Variants in PPP2R2B observed in about 807,000 individuals in gnomAD.
PPP2R2B encodes the protein serine/threonine-protein phosphatase 2A 55 kDa regulatory subunit B beta isoform.
A neutral mutation model predicts 46.0 loss-of-function variants in PPP2R2B; 5 were observed. The observed-to-expected ratio is 0.11, with a 90% CI of 0.06 to 0.23. The LOEUF (loss-of-function observed/expected upper bound fraction) is 0.23, where lower values mean the gene tolerates loss of function less well. PPP2R2B is among the 10% of genes least tolerant of loss of function. PPP2R2B has a pLI of 1.00. For missense variants in PPP2R2B, 367 were observed against 575.0 expected, an observed-to-expected ratio of 0.64 and a Z score of 3.70; for synonymous variants, 215 against 206.7, an observed-to-expected ratio of 1.04 and a Z score of -0.34.
intron 5 of PPP2R2B, among the ~76,000 whole-genome samples, chr5:146,686,924 T>C (rs549038545): frequency 4.2e-4 from 64 of 152,084 alleles, no homozygotes; most frequent in African/African-American, 1.5e-3. Flanking sequence ...AAGAAGGGCA[T>C]GGAGGGTCTT....
In PPP2R2B at chr5:146,589,795, C is replaced by G; in HGVS notation, c.*152G>C. 2.4e-6 allele frequency: 2 copies of G among 821,174 alleles called. No individual in the cohort carries two copies. The highest frequency in any genetic ancestry group is 3.8e-6 in the Non-Finnish European group (2 of 528,732). The allele number at this position is 821,174 out of a possible 1,614,324, so 50.9% of individuals were successfully genotyped here. Reference sequence around the variant, plus strand: ...ACAAAAGTTTCTTAGAACTGGGGAGCTGGGAATGTTGGACTCCTTTTAATT... The same window carrying G: ...ACAAAAGTTTCTTAGAACTGGGGAGGTGGGAATGTTGGACTCCTTTTAATT... On this transcript the variant is annotated 3_prime_UTR_variant, in exon 10 of 10. Transcript: ENST00000394411.
At chr5:146,854,627 G>T (rs183322914) in intron 2 of PPP2R2B, among the ~76,000 whole-genome samples, 36 of 152,250 alleles carry the variant, frequency 2.4e-4, no homozygotes, top group African/African-American at 8.7e-4. Flanking sequence ...AACTAAACTT[G>T]TGAAAATGAC....
intron 2 of PPP2R2B, among the ~76,000 whole-genome samples, chr5:146,811,557 ATTT>A (rs1178978309): frequency 2.7e-4 from 26 of 95,726 alleles, no homozygotes; most frequent in African/African-American, 7.8e-4. Context: ...TCAACTATGT[ATTT>A]TTTTTTTTTT....
At chr5:146,651,640 C>T (rs1775967599) in intron 5 of PPP2R2B, among the ~76,000 whole-genome samples, 1 of 151,986 alleles carries the variant, frequency 6.6e-6, no homozygotes, top group African/African-American at 2.4e-5. Context: ...AAAAAAACAC[C>T]CAAGACAGAC....
intron 5 of PPP2R2B, among the ~76,000 whole-genome samples, chr5:146,670,615 C>T (rs1056416927): frequency 1.3e-5 from 2 of 151,880 alleles, no homozygotes; most frequent in African/African-American, 4.8e-5. Flanking sequence ...CTTGTTTTAG[C>T]CTTCTGAGTA....
chr5:146,924,019 G>T (rs1259648984), intron 1 of PPP2R2B, among the ~76,000 whole-genome samples: 1 of 152,116 alleles, frequency 6.6e-6, no homozygotes, highest in African/African-American at 2.4e-5. Context: ...GGAGCTAAAT[G>T]ATGAAAACAT....
intron 2 of PPP2R2B, among the ~76,000 whole-genome samples, chr5:146,847,287 T>C (rs1255745119): frequency 6.6e-6 from 1 of 152,214 alleles, no homozygotes; most frequent in Admixed American, 6.5e-5. Context: ...CAGCCTTTAA[T>C]TCCTGACATA....
chr5:146,958,058 A>ATT (rs375305542), intron 1 of PPP2R2B, among the ~76,000 whole-genome samples: 1 of 147,976 alleles, frequency 6.8e-6, no homozygotes, highest in Non-Finnish European at 1.5e-5. Context: ...TCAAACATCT[A>ATT]TTTTTTTTTT....
chr5:147,059,293 C>A (rs1434305596), upstream of PPP2R2B, among the ~76,000 whole-genome samples: 2 of 152,134 alleles, frequency 1.3e-5, no homozygotes, highest in East Asian at 1.9e-4. Context: ...TGTTACAGAT[C>A]CATGCTTTTG....
intron 2 of PPP2R2B, among the ~76,000 whole-genome samples, chr5:146,710,743 A>T (rs1051470771): frequency 1.3e-5 from 2 of 152,242 alleles, no homozygotes; most frequent in African/African-American, 4.8e-5. Flanking sequence ...TGGGACATCT[A>T]TGGCTGACCC....
At chr5:147,004,156 C>T (rs993671319) in intron 1 of PPP2R2B, among the ~76,000 whole-genome samples, 1 of 152,162 alleles carries the variant, frequency 6.6e-6, no homozygotes, top group Non-Finnish European at 1.5e-5. Flanking sequence ...AGGCCAATCA[C>T]CCAGTGGGGC....
chr5:146,709,523 T>A (rs1490134404), intron 2 of PPP2R2B, among the ~76,000 whole-genome samples: 1 of 152,218 alleles, frequency 6.6e-6, no homozygotes, highest in Admixed American at 6.5e-5. Flanking sequence ...GAAAGTCTAC[T>A]GGGGAAGCAG....
intron 7 of PPP2R2B, among the ~76,000 whole-genome samples, chr5:146,602,364 C>A (rs1771867034): frequency 6.6e-6 from 1 of 152,132 alleles, no homozygotes; most frequent in Non-Finnish European, 1.5e-5. Context: ...GGAGCCAAAG[C>A]CAGATAAATT....
chr5:146,877,936 A>G (rs1761995177), intron 2 of PPP2R2B, 66 bp downstream of exon 2: 1 of 1,551,214 alleles, frequency 6.4e-7, no homozygotes. Context: ...CCAGCTGCCC[A>G]GGAAGCACAG....
At chr5:146,918,547 C>T (rs528256592) in intron 1 of PPP2R2B, among the ~76,000 whole-genome samples, 2 of 152,286 alleles carry the variant, frequency 1.3e-5, no homozygotes, top group East Asian at 1.9e-4. Flanking sequence ...TTCCCATTGC[C>T]TTTAGGATAA....
intron 7 of PPP2R2B, among the ~76,000 whole-genome samples, chr5:146,618,757 A>G (rs1408638712): frequency 6.6e-6 from 1 of 152,186 alleles, no homozygotes; most frequent in Non-Finnish European, 1.5e-5. Flanking sequence ...TCCTCCCAGC[A>G]TTCCTGATGC....
At chr5:146,779,615 G>T (rs1432829957) in intron 2 of PPP2R2B, among the ~76,000 whole-genome samples, 3 of 152,132 alleles carry the variant, frequency 2.0e-5, no homozygotes, top group Non-Finnish European at 4.4e-5. Context: ...GAGGCCAACA[G>T]TCTATTACAA....
At chr5:146,951,680 G>A (rs942869143) in intron 1 of PPP2R2B, among the ~76,000 whole-genome samples, 4 of 152,014 alleles carry the variant, frequency 2.6e-5, no homozygotes, top group African/African-American at 4.8e-5. Flanking sequence ...TCCCTGCAAA[G>A]GACATGATCT....
chr5:146,746,103 T>TA (rs1753175802), intron 2 of PPP2R2B, among the ~76,000 whole-genome samples: 1 of 152,198 alleles, frequency 6.6e-6, no homozygotes, highest in African/African-American at 2.4e-5. Context: ...ATGAAAACCT[T>TA]ATAGCGCTAT....
Sources: gnomAD v4.1 joint callset for allele counts (sites outside exome capture counted in the v4.1 genomes callset) on GRCh38, gnomAD v4.1.1 for gene constraint, MANE v1.5 for transcripts, NCBI Gene and HGNC (gene_info 2026-07-23, HGNC 2026-07-21) for gene names.